The following SCN11A variants were observed in gnomAD, a reference collection of about 807,000 sequenced individuals.
The protein encoded by SCN11A is sodium channel protein type 11 subunit alpha.
Under a neutral mutation model 162.2 loss-of-function variants are expected in SCN11A, and 122 were observed. The ratio of observed to expected loss-of-function variants is 0.75; its 90% CI spans 0.65 to 0.87. The LOEUF (loss-of-function observed/expected upper bound fraction) is 0.87, where lower values mean the gene tolerates loss of function less well. Among genes scored for constraint, SCN11A ranks in the 40% least tolerant of loss-of-function variants. SCN11A has a pLI of 0.00. For synonymous variants in SCN11A, 758 were observed against 751.5 expected, an observed-to-expected ratio of 1.01 and a Z score of -0.14; for missense variants, 2,015 against 2,181.6, an observed-to-expected ratio of 0.92 and a Z score of 1.52.
intron 2 of SCN11A, among the ~76,000 whole-genome samples, chr3:38,998,757 G>A (rs1469308617): frequency 3.9e-5 from 6 of 151,992 alleles, no homozygotes; most frequent in Non-Finnish European, 7.4e-5. Flanking sequence ...GTCCTTTGTA[G>A]GGACATGGAT....
At chr3:39,029,723 A>G (rs1282111052) in intron 2 of SCN11A, among the ~76,000 whole-genome samples, 1 of 152,266 alleles carries the variant, frequency 6.6e-6, no homozygotes, top group Non-Finnish European at 1.5e-5. Context: ...AAAAGGGTCC[A>G]TTGGACAGTC....
chr3:38,973,359 T>C (rs2066828782), intron 2 of SCN11A, among the ~76,000 whole-genome samples: 1 of 152,098 alleles, frequency 6.6e-6, no homozygotes, highest in Non-Finnish European at 1.5e-5. Flanking sequence ...TGTCTCTTCT[T>C]GCAGTCAGAA....
chr3:38,947,047 T>A lies in SCN11A; in HGVS notation c.268-140A>T. 5.0e-6 allele frequency: 3 copies of A among 603,492 alleles called. No homozygotes were observed. In the South Asian group the frequency reaches 6.2e-5, roughly 12 times the overall value. 37.4% of individuals were successfully genotyped at this position (603,492 alleles called of 1,614,324 possible). On this transcript the variant is annotated intron_variant, in intron 5 of 29. Coordinates refer to ENST00000302328, the MANE Select transcript of SCN11A (RefSeq NM_001349253.2). ...GTTGGGCTGTGGAATATTTACCCAA[T>A]GGGATACTCCAGAAGAATCAGAGAT...
intron 17 of SCN11A, among the ~76,000 whole-genome samples, chr3:38,899,350 G>T (rs568988346): frequency 1.2e-4 from 18 of 152,230 alleles, no homozygotes; most frequent in African/African-American, 4.1e-4. Flanking sequence ...ACTTTGTAAA[G>T]GTTTCCAGAA....
chr3:38,936,727 C>T (rs1257568265), intron 7 of SCN11A, among the ~76,000 whole-genome samples: 4 of 152,140 alleles, frequency 2.6e-5, no homozygotes, highest in African/African-American at 9.7e-5. Context: ...AAAGAGGATA[C>T]AAACAAATGG....
intron 2 of SCN11A, among the ~76,000 whole-genome samples, chr3:38,982,815 A>G (rs1424108117): frequency 2.6e-5 from 4 of 152,170 alleles, no homozygotes; most frequent in Non-Finnish European, 5.9e-5. Flanking sequence ...GCTGTCATGT[A>G]ACATCTTCCA....
In SCN11A at chr3:38,905,562, A is replaced by G. The variant is rs181958648; in HGVS notation, c.1474-241T>C. Among the ~76,000 whole-genome samples the G allele has an allele frequency of 1.1e-3, 167 of 152,358 alleles. 2 individuals carry two copies. The highest frequency in any genetic ancestry group is 3.4e-3 in the Middle Eastern group (1 of 294). ...CATGCACATTTCTAGAGTCCTACCT[A>G]CAGACATTTTACTTTCTCTGTGTTT... On this transcript the variant is annotated intron_variant, in intron 14 of 29. Transcript: ENST00000302328.
intron 28 of SCN11A, among the ~76,000 whole-genome samples, chr3:38,857,544 T>G (rs929130899): frequency 2.6e-5 from 4 of 151,922 alleles, no homozygotes; most frequent in African/African-American, 7.2e-5. Context: ...GTCTTCCTGA[T>G]GAAGAAATCT....
intron 16 of SCN11A, among the ~76,000 whole-genome samples, chr3:38,901,769 G>C (rs566235601): frequency 1.3e-5 from 2 of 152,274 alleles, no homozygotes; most frequent in East Asian, 1.9e-4. Flanking sequence ...TGTATGTCCA[G>C]GGAGTAGGCC....
intron 7 of SCN11A, among the ~76,000 whole-genome samples, chr3:38,940,611 C>T (rs779721590): frequency 5.9e-5 from 9 of 152,012 alleles, no homozygotes; most frequent in Non-Finnish European, 1.2e-4. Flanking sequence ...ACATCTGGGA[C>T]GGAACTATGA....
At chr3:38,993,212 C>T (rs1399670324) in intron 2 of SCN11A, among the ~76,000 whole-genome samples, 1 of 152,186 alleles carries the variant, frequency 6.6e-6, no homozygotes, top group Non-Finnish European at 1.5e-5. Context: ...ACAACAGTGT[C>T]CTTTTTGAAG....
intron 23 of SCN11A, 114 bp downstream of exon 23, chr3:38,879,836 A>G (rs2065278356): frequency 1.3e-6 from 1 of 798,014 alleles, no homozygotes; most frequent in Non-Finnish European, 2.0e-6. Flanking sequence ...TGATAACAAG[A>G]AAAACTATTT....
At chr3:38,950,000 C>T (rs1575328037) in intron 5 of SCN11A, 96 bp downstream of exon 5, 3 of 773,670 alleles carry the variant, frequency 3.9e-6, no homozygotes, top group East Asian at 5.4e-5. Flanking sequence ...CTGCTATAAA[C>T]CCTAAGAGTG....
In SCN11A at chr3:38,915,435, G is replaced by A. The variant is rs562033680; in HGVS notation, c.959+4500C>T. 5.3e-5 allele frequency among the ~76,000 whole-genome samples: 8 copies of A among 152,070 alleles called. No individual in the cohort carries two copies. In the South Asian group the frequency reaches 8.3e-4, roughly 16 times the overall value. ...TTATTTCTAAGTTTTTGATGTGGGC[G>A]TTTAGTGCTATGAATTTTCTCTTAA... On this transcript the variant is annotated intron_variant, in intron 11 of 29. Transcript: ENST00000302328.
At chr3:38,877,736 A>G (rs1334121574) in intron 23 of SCN11A, among the ~76,000 whole-genome samples, 2 of 125,862 alleles carry the variant, frequency 1.6e-5, no homozygotes, top group African/African-American at 6.4e-5. Flanking sequence ...TATATGGTAT[A>G]TATATGGTGT....
At chr3:39,019,172 T>A (rs1245882225) in intron 2 of SCN11A, among the ~76,000 whole-genome samples, 7 of 152,212 alleles carry the variant, frequency 4.6e-5, no homozygotes, top group African/African-American at 1.7e-4. Context: ...CAATTATTCC[T>A]GCAGATAACA....
chr3:38,907,426 T>A (rs2065818106), intron 14 of SCN11A, among the ~76,000 whole-genome samples: 1 of 150,478 alleles, frequency 6.6e-6, no homozygotes, highest in South Asian at 2.1e-4. Flanking sequence ...AAACTCCAAC[T>A]ACCTGGCTTC....
intron 23 of SCN11A, among the ~76,000 whole-genome samples, chr3:38,872,511 G>A (rs2065146280): frequency 6.6e-6 from 1 of 152,160 alleles, no homozygotes; most frequent in African/African-American, 2.4e-5. Flanking sequence ...GTGCTGAATT[G>A]GATCCTGGAT....
intron 16 of SCN11A, among the ~76,000 whole-genome samples, chr3:38,901,093 A>G (rs1465037084): frequency 6.6e-6 from 1 of 152,196 alleles, no homozygotes; most frequent in African/African-American, 2.4e-5. Flanking sequence ...TTGTTATAAA[A>G]CTGTCTACTA....
Sources: gnomAD v4.1 joint callset for allele counts (sites outside exome capture counted in the v4.1 genomes callset) on GRCh38, gnomAD v4.1.1 for gene constraint, MANE v1.5 for transcripts, NCBI Gene and HGNC (gene_info 2026-07-23, HGNC 2026-07-21) for gene names.